SOS2: variants seen among roughly 807,000 people sequenced by gnomAD.
SOS2 encodes son of sevenless homolog 2.
In SOS2, 65 loss-of-function variants were observed where a neutral mutation model predicts 148.2. That is an observed-to-expected ratio of 0.44 (90% CI 0.36 to 0.54). The LOEUF (loss-of-function observed/expected upper bound fraction) is 0.54, where lower values mean the gene tolerates loss of function less well. SOS2 is among the 20% of genes least tolerant of loss of function. SOS2 has a pLI of 0.00. For synonymous variants in SOS2, 539 were observed against 537.1 expected, an observed-to-expected ratio of 1.00 and a Z score of -0.05; for missense variants, 1,341 against 1,590.2, an observed-to-expected ratio of 0.84 and a Z score of 2.67.
Position 50,159,791 on chromosome 14 carries a change from G to C in SOS2, c.1492C>G (p.Gln498Glu). The change falls in exon 10 of 23, where the codon CAA (glutamine) becomes GAA (glutamate). Residue 498 changes from glutamine (Q) to glutamate (E), a missense_variant. Gln to Glu is a conservative substitution (Grantham distance 29). Transcript: ENST00000216373. ...LKEKFVMRKI[Q>E]ICDKEDTCEH... ...CAAGTATCTTCTTTATCACAAATTT[G>C]TATTTTCCTCATGACAAATTTTTCT... The C allele has an allele frequency of 1.2e-6, 2 of 1,613,792 alleles. No homozygotes were observed. The highest frequency in any genetic ancestry group is 1.3e-5 in the African/African-American group (1 of 74,944).
chr14:50,212,858 T>C lies in SOS2; in HGVS notation c.88-8449A>G, dbSNP rs75462797. Reference sequence around the variant, plus strand: ...CAGATTATATATGAGAAGCAGACATTAGCTTCAGATTTCAACAGTAATACT... The same window carrying C: ...CAGATTATATATGAGAAGCAGACATCAGCTTCAGATTTCAACAGTAATACT... On this transcript the variant is annotated intron_variant, in intron 1 of 22. Transcript: ENST00000216373. Among the ~76,000 whole-genome samples, 1,480 of 152,306 alleles carry C rather than the reference T, an allele frequency of 9.7e-3. 29 individuals carry two copies. Among genetic ancestry groups the C allele is most frequent in the African/African-American group, 0.034 (1,400 of 41,564 alleles).
intron 2 of SOS2, among the ~76,000 whole-genome samples, chr14:50,203,570 AC>A (rs1429006506): frequency 6.8e-6 from 1 of 146,720 alleles, no homozygotes; most frequent in Non-Finnish European, 1.5e-5. Context: ...TTATTTTAGT[AC>A]TAATTTAAAC....
chr14:50,209,025 G>C (rs1235272394), intron 1 of SOS2, among the ~76,000 whole-genome samples: 2 of 152,240 alleles, frequency 1.3e-5, no homozygotes, highest in Non-Finnish European at 2.9e-5. Flanking sequence ...CTTGACTAAA[G>C]GCCTGAATAG....
chr14:50,201,077 A>G lies in SOS2; in HGVS notation c.221T>C (p.Val74Ala). 1.2e-6 allele frequency: 2 copies of G among 1,613,654 alleles called. No individual in the cohort carries two copies. Among genetic ancestry groups the G allele is most frequent in the Non-Finnish European group, 1.7e-6 (2 of 1,179,770 alleles). The change falls in exon 3 of 23, where the codon GTT becomes GCT. Residue 74 changes from valine to alanine, a missense_variant. Transcript: ENST00000216373. ...PRTVQDVEER[V>A]QKTFPHPIDK... ...AATTGGGTGAGGAAAGGTCTTCTGA[A>G]CTCGCTCCTGCTCAATCACAGCAGA...
chr14:50,153,761 C>T (rs771492014), intron 12 of SOS2, among the ~76,000 whole-genome samples: 8 of 152,088 alleles, frequency 5.3e-5, no homozygotes, highest in Non-Finnish European at 1.0e-4. Context: ...TATAGACGCC[C>T]GCCACCATGC....
chr14:50,121,385 G>C (rs959001241), intron 21 of SOS2, among the ~76,000 whole-genome samples: 1 of 152,124 alleles, frequency 6.6e-6, no homozygotes, highest in African/African-American at 2.4e-5. Flanking sequence ...GAACACAGGC[G>C]CTAACTGGGA....
At chr14:50,119,146 T>G (rs180731591) in intron 22 of SOS2, among the ~76,000 whole-genome samples, 1 of 152,310 alleles carries the variant, frequency 6.6e-6, no homozygotes, top group Admixed American at 6.5e-5. Context: ...GACAATAATT[T>G]ATTGCTTTAT....
chr14:50,220,405 C>CGAAAAAAAAAAAAAAAAAAAA (rs779813155), intron 1 of SOS2, among the ~76,000 whole-genome samples: 1 of 30,446 alleles, frequency 3.3e-5, no homozygotes, highest in African/African-American at 1.4e-4. Flanking sequence ...GACTCCATCT[C>CGAAAAAAAAAAAAAAAAAAAA]AAAAAAAAAA....
chr14:50,119,697 G>A (rs9806016), intron 22 of SOS2, among the ~76,000 whole-genome samples: 45,920 of 150,736 alleles, frequency 0.3, 7,195 homozygotes, highest in Admixed American at 0.41. Flanking sequence ...CACCATGCCC[G>A]GCTAATTTTT....
At chr14:50,195,452 A>G (rs1886283724) in intron 4 of SOS2, among the ~76,000 whole-genome samples, 1 of 152,118 alleles carries the variant, frequency 6.6e-6, no homozygotes, top group Non-Finnish European at 1.5e-5. Context: ...CAAATAAAGG[A>G]ATGACTTATT....
chr14:50,190,400 G>A (rs913636563), intron 4 of SOS2, among the ~76,000 whole-genome samples: 2 of 152,112 alleles, frequency 1.3e-5, no homozygotes, highest in Admixed American at 1.3e-4. Flanking sequence ...CCACATGTTG[G>A]TAAAATATGC....
intron 20 of SOS2, 34 bp downstream of exon 20, chr14:50,130,467 C>CT: frequency 1.3e-6 from 2 of 1,578,354 alleles, no homozygotes; most frequent in Non-Finnish European, 1.7e-6. Flanking sequence ...CACAGGATTC[C>CT]TTTTTTACCA....
intron 8 of SOS2, among the ~76,000 whole-genome samples, chr14:50,168,977 A>G (rs1885267233): frequency 6.6e-6 from 1 of 152,208 alleles, no homozygotes. Flanking sequence ...TATGACAAGA[A>G]ATTAGAGGAT....
intron 21 of SOS2, among the ~76,000 whole-genome samples, chr14:50,123,132 GTAAC>G (rs1310957312): frequency 6.6e-6 from 1 of 152,160 alleles, no homozygotes; most frequent in Non-Finnish European, 1.5e-5. Flanking sequence ...CTTCACTAAG[GTAAC>G]AGCCTGAAGG....
intron 7 of SOS2, among the ~76,000 whole-genome samples, chr14:50,177,818 A>C (rs1885574114): frequency 1.3e-5 from 2 of 152,154 alleles, no homozygotes; most frequent in South Asian, 4.1e-4. Flanking sequence ...TTCAGTTTTA[A>C]ACATGTCATA....
At chr14:50,221,062 A>G (rs1397164764) in intron 1 of SOS2, among the ~76,000 whole-genome samples, 1 of 152,226 alleles carries the variant, frequency 6.6e-6, no homozygotes, top group Non-Finnish European at 1.5e-5. Flanking sequence ...ATCAAACTAC[A>G]GGAACATGTT....
In SOS2 at chr14:50,224,314, T is replaced by TAC. The variant is rs71118856; in HGVS notation, c.87+6881_87+6882dup. ...TCAGGAAAAAAAAAAAATATATATA[T>TAC]ACACACACACACACACACACACACA... On this transcript the variant is annotated intron_variant, in intron 1 of 22. Transcript: ENST00000216373. 9.4e-3 allele frequency among the ~76,000 whole-genome samples: 949 copies of TAC among 100,900 alleles called. 15 individuals are homozygous for TAC. Among genetic ancestry groups the TAC allele is most frequent in the South Asian group, 0.017 (53 of 3,068 alleles). The allele number at this position is 100,900 out of a possible 152,430, so 66.2% of individuals were successfully genotyped here.
At chr14:50,183,832 C>T (rs1885821700) in intron 5 of SOS2, among the ~76,000 whole-genome samples, 2 of 152,232 alleles carry the variant, frequency 1.3e-5, no homozygotes, top group Non-Finnish European at 2.9e-5. Context: ...TTCATCCAAG[C>T]TCCCGTCTGT....
rs980920862 is a variant in SOS2, at chr14:50,184,889, A to G, written c.715-2283T>C. Among the ~76,000 whole-genome samples the G allele has an allele frequency of 5.9e-5, 8 of 135,036 alleles. 1 individual carries two copies. The highest frequency in any genetic ancestry group is 3.8e-4 in the Admixed American group (5 of 13,224). The allele number at this position is 135,036 out of a possible 152,430, so 88.6% of individuals were successfully genotyped here. A position where few individuals can be genotyped will look rare whatever the true frequency, so the allele number is the denominator to read the frequency against. ...CAAAAAAAAAAAAAAAAAAAAAAAA[A>G]GGGCAGGGGTGAGAGGCTAGAGATC... On this transcript the variant is annotated intron_variant, in intron 5 of 22. Transcript: ENST00000216373.
Sources: gnomAD v4.1 joint callset for allele counts (sites outside exome capture counted in the v4.1 genomes callset) on GRCh38, gnomAD v4.1.1 for gene constraint, MANE v1.5 for transcripts, NCBI Gene and HGNC (gene_info 2026-07-23, HGNC 2026-07-21) for gene names.